Variants in NUDT4 observed in about 807,000 individuals in gnomAD.
NUDT4 encodes nudix hydrolase 4.
A neutral mutation model predicts 23.1 loss-of-function variants in NUDT4; 5 were observed. The observed-to-expected ratio is 0.22, with a 90% CI of 0.11 to 0.46. The LOEUF is 0.46. Among genes scored for constraint, NUDT4 ranks in the 20% least tolerant of loss-of-function variants. The probability of loss-of-function intolerance (pLI) is 0.99; values close to 1 mark genes in which losing one functional copy is unlikely to be tolerated. For synonymous variants in NUDT4, 50 were observed against 79.0 expected, an observed-to-expected ratio of 0.63 and a Z score of 1.95; for missense variants, 96 against 211.6, an observed-to-expected ratio of 0.45 and a Z score of 3.39.
chr12:93,382,479 C>T (rs1349923276), intron 1 of NUDT4, among the ~76,000 whole-genome samples: 3 of 151,972 alleles, frequency 2.0e-5, no homozygotes, highest in Non-Finnish European at 2.9e-5. Context: ...ACCAGAGCTC[C>T]GATGAGCAAC....
rs1253852132 is a variant in NUDT4 at position 93,381,775 on chromosome 12, G to A, written c.99+3354G>A. 7.2e-5 allele frequency among the ~76,000 whole-genome samples: 11 copies of A among 152,206 alleles called. No individual in the cohort carries two copies. In the South Asian group the frequency reaches 8.3e-4, roughly 11 times the overall value. The stretch of plus-strand genomic sequence containing the variant: ...AAATGTAAGGTTGAGAAGTTGCTAC[G>A]CAAGAACAAAGTTTTGTTTTGAACT... On this transcript the variant is annotated intron_variant, in intron 1 of 4. Transcript: ENST00000415493.
chr12:93,380,855 G>C (rs2120848252), intron 1 of NUDT4: 1 of 152,272 alleles, frequency 6.6e-6, no homozygotes, highest in East Asian at 1.9e-4. Context: ...GGTGAGAAAT[G>C]TTTCCCTCTA....
At chr12:93,381,654 C>T (rs964234168) in intron 1 of NUDT4, among the ~76,000 whole-genome samples, 1 of 152,102 alleles carries the variant, frequency 6.6e-6, no homozygotes, top group Non-Finnish European at 1.5e-5. Flanking sequence ...AGGGACCAGG[C>T]GTCCCAAATA....
In NUDT4 at chr12:93,402,651, C is replaced by T. The variant is rs1269044964; in HGVS notation, c.*3272C>T. The stretch of plus-strand genomic sequence containing the variant: ...TATTCTCCTCATGGATATTTTCAGT[C>T]TCAATGTTGCCAGTCTAATAGTATA... On this transcript the variant is annotated 3_prime_UTR_variant, in exon 5 of 5. Transcript: ENST00000415493. 1 of 152,158 alleles carries T rather than the reference C, an allele frequency of 6.6e-6. No homozygotes were observed. Among genetic ancestry groups the T allele is most frequent in the South Asian group, 2.1e-4 (1 of 4,826 alleles). The allele number at this position is 152,158 out of a possible 1,614,324, so 9.4% of individuals were successfully genotyped here.
At chr12:93,386,185 T>G (rs2120889058) in intron 1 of NUDT4, among the ~76,000 whole-genome samples, 1 of 151,896 alleles carries the variant, frequency 6.6e-6, no homozygotes, top group South Asian at 2.1e-4. Flanking sequence ...CTATGTTGCC[T>G]AGGCTGGTCT....
rs1877642079 is a variant in NUDT4, at chr12:93,403,875, T to C, written c.*4496T>C. 6.6e-6 allele frequency: 1 copy of C among 152,218 alleles called. No homozygotes were observed. Among genetic ancestry groups the C allele is most frequent in the South Asian group, 2.1e-4 (1 of 4,826 alleles). The allele number at this position is 152,218 out of a possible 1,614,324, so 9.4% of individuals were successfully genotyped here. ...ATGAGAGGGCCATTAAGGCCTATCT[T>C]AGCAAGCAAGACATTATAGCAAAGA... On this transcript the variant is annotated 3_prime_UTR_variant, in exon 5 of 5. Transcript: ENST00000415493.
chr12:93,389,982 TCTC>T (rs1277592312), intron 1 of NUDT4, among the ~76,000 whole-genome samples: 2 of 152,130 alleles, frequency 1.3e-5, no homozygotes, highest in South Asian at 2.1e-4. Flanking sequence ...ACATTATTAA[TCTC>T]CTGTAATTTA....
Position 93,395,061 on chromosome 12 carries a change from C to G in NUDT4, c.210+342C>G, listed in dbSNP as rs1438113339. The stretch of plus-strand genomic sequence containing the variant: ...ACAGGGTTTCACCATGTTGGCCAGA[C>G]TGGTCTCAAACCCCTGACCTCAGGT... On this transcript the variant is annotated intron_variant, in intron 2 of 4. Coordinates refer to ENST00000415493, the MANE Select transcript of NUDT4 (RefSeq NM_019094.6). Among the ~76,000 whole-genome samples the G allele has an allele frequency of 6.6e-5, 10 of 152,190 alleles. No homozygotes were observed. In the East Asian group the frequency reaches 1.7e-3, roughly 27 times the overall value.
chr12:93,394,054 G>A (rs1876749085), intron 1 of NUDT4, among the ~76,000 whole-genome samples: 1 of 152,098 alleles, frequency 6.6e-6, no homozygotes, highest in South Asian at 2.1e-4. Context: ...CCATGCTGGA[G>A]TATGGTGGCA....
chr12:93,383,308 A>G (rs1372804675), intron 1 of NUDT4, among the ~76,000 whole-genome samples: 1 of 152,190 alleles, frequency 6.6e-6, no homozygotes, highest in African/African-American at 2.4e-5. Flanking sequence ...TCCAAAAAGA[A>G]GTACTAATTT....
intron 1 of NUDT4, among the ~76,000 whole-genome samples, chr12:93,388,895 C>CTG (rs1009628851): frequency 6.6e-6 from 1 of 152,048 alleles, no homozygotes; most frequent in African/African-American, 2.4e-5. Context: ...CTAGTGGTGA[C>CTG]TGTGTTAGCT....
chr12:93,394,390 G>A (rs935699546), intron 1 of NUDT4, among the ~76,000 whole-genome samples: 3 of 152,324 alleles, frequency 2.0e-5, no homozygotes, highest in African/African-American at 4.8e-5. Context: ...TGATTTGGTA[G>A]TGTGACCATG....
Position 93,401,368 on chromosome 12 carries a change from AT to A in NUDT4, c.*1990del, listed in dbSNP as rs1592732988. On this transcript the variant is annotated 3_prime_UTR_variant, in exon 5 of 5. Coordinates refer to ENST00000415493, the MANE Select transcript of NUDT4 (RefSeq NM_019094.6). ...GTAATCTCTGAAATTTCCTTAAATT[AT>A]ATACTTAACATAGCAGAGAAACTGG... 6.7e-6 allele frequency: 1 copy of A among 148,356 alleles called. No individual in the cohort carries two copies. Among genetic ancestry groups the A allele is most frequent in the Admixed American group, 6.9e-5 (1 of 14,534 alleles). The allele number at this position is 148,356 out of a possible 1,614,324, so 9.2% of individuals were successfully genotyped here.
In NUDT4 at chr12:93,399,298, T is replaced by C. The variant is rs762425255; in HGVS notation, c.462T>C (p.Ser154=). 2 of 1,080,086 alleles carry C rather than the reference T, an allele frequency of 1.9e-6. No homozygotes were observed. Among genetic ancestry groups the C allele is most frequent in the Non-Finnish European group, 2.9e-6 (2 of 699,472 alleles). 66.9% of individuals were successfully genotyped at this position (1,080,086 alleles called of 1,614,324 possible). ...GTTGTTCCCCAGCCAATGGAAATTC[T>C]ACAGTCCCTTCCCTTCCGGATAATA... ...KLGCSPANGN[S]TVPSLPDNNA... Residue 154 remains serine, a synonymous_variant, in exon 5 of 5, where the codon TCT becomes TCC. Coordinates refer to ENST00000415493, the MANE Select transcript of NUDT4 (RefSeq NM_019094.6).
chr12:93,407,307 T>C lies in NUDT4; in HGVS notation c.*7928T>C, dbSNP rs1398525140. On this transcript the variant is annotated 3_prime_UTR_variant, in exon 5 of 5. Transcript: ENST00000415493. ...CTCTTTTCCATGACAGAGTTACAAC[T>C]ATTTGTCTGTCCCCCTTCCCCATTA... 6.6e-6 allele frequency: 1 copy of C among 152,290 alleles called. No homozygotes were observed. Among genetic ancestry groups the C allele is most frequent in the Non-Finnish European group, 1.5e-5 (1 of 68,102 alleles). The allele number at this position is 152,290 out of a possible 1,614,324, so 9.4% of individuals were successfully genotyped here.
At chr12:93,385,197 C>G (rs958853297) in intron 1 of NUDT4, 19 of 152,200 alleles carry the variant, frequency 1.2e-4, no homozygotes, top group African/African-American at 4.3e-4. Context: ...TTATCTAATA[C>G]ATGGGAAGAG....
rs1877907830 is a variant in NUDT4, at chr12:93,407,972, G to T, written c.*8593G>T. 6.6e-6 allele frequency: 1 copy of T among 152,194 alleles called. No individual in the cohort carries two copies. The highest frequency in any genetic ancestry group is 1.5e-5 in the Non-Finnish European group (1 of 68,036). 9.4% of individuals were successfully genotyped at this position (152,194 alleles called of 1,614,324 possible). A position where few individuals can be genotyped will look rare whatever the true frequency, so the allele number is the denominator to read the frequency against. On this transcript the variant is annotated 3_prime_UTR_variant, in exon 5 of 5. Transcript: ENST00000415493. ...AATTCACTGCATTTGAAATGAAAAT[G>T]ACTTATTTCTGTACTTCTATAACTC...
chr12:93,398,504 C>T (rs1877104487), intron 3 of NUDT4, among the ~76,000 whole-genome samples: 1 of 152,092 alleles, frequency 6.6e-6, no homozygotes, highest in Non-Finnish European at 1.5e-5. Context: ...GCAACATCTC[C>T]AGACTTCTAC....
intron 1 of NUDT4, 197 bp downstream of exon 1, chr12:93,378,618 G>A: frequency 8.1e-7 from 1 of 1,232,546 alleles, no homozygotes; most frequent in Non-Finnish European, 1.0e-6. Flanking sequence ...ATGAGACAAA[G>A]GGGGCTCGCC....
Sources: gnomAD v4.1 joint callset for allele counts (sites outside exome capture counted in the v4.1 genomes callset) on GRCh38, gnomAD v4.1.1 for gene constraint, MANE v1.5 for transcripts, NCBI Gene and HGNC (gene_info 2026-07-23, HGNC 2026-07-21) for gene names.